RIMS2: variants seen among roughly 807,000 people sequenced by gnomAD.
The protein encoded by RIMS2 is regulating synaptic membrane exocytosis protein 2.
A neutral mutation model predicts 174.4 loss-of-function variants in RIMS2; 59 were observed. That is an observed-to-expected ratio of 0.34 (90% confidence interval 0.27 to 0.42). The LOEUF is 0.42. RIMS2 is among the 10% of genes least tolerant of loss of function. The probability of loss-of-function intolerance (pLI) is 1.00; values close to 1 mark genes in which losing one functional copy is unlikely to be tolerated. For missense variants in RIMS2, 1,620 were observed against 1,666.3 expected (o/e 0.97, Z 0.48); for synonymous variants, 606 against 572.5 (o/e 1.06, Z -0.84).
rs574157616 is a variant in RIMS2, at chr8:103,702,679, G to C, written c.387+5383G>C. Among the ~76,000 whole-genome samples, 7 of 152,112 alleles carry C rather than the reference G, an allele frequency of 4.6e-5. No individual in the cohort carries two copies. In the South Asian group the frequency reaches 6.2e-4, roughly 14 times the overall value. On this transcript the variant is annotated intron_variant, in intron 2 of 23. Coordinates refer to ENST00000504942, the Ensembl canonical transcript of RIMS2. ...TTAAGAGACAGTCCTTTACCTGGTG[G>C]ATATACTTGGTGCCTTTGTTGAACA...
intron 1 of RIMS2, among the ~76,000 whole-genome samples, chr8:103,578,544 AAAC>A (rs1228278268): frequency 2.0e-5 from 3 of 151,992 alleles, no homozygotes; most frequent in South Asian, 4.2e-4. Flanking sequence ...AAAAAACAAA[AAAC>A]AAAACAAAAC....
chr8:104,252,169 C>A (rs2099360883), downstream of RIMS2: 1 of 270,140 alleles, frequency 3.7e-6, no homozygotes, highest in African/African-American at 2.2e-5. Flanking sequence ...CCTTTTTCTT[C>A]ATTTATCTAA....
intron 19 of RIMS2, among the ~76,000 whole-genome samples, chr8:104,176,685 C>CGTT (rs2098899023): frequency 1.3e-5 from 2 of 150,260 alleles, no homozygotes; most frequent in South Asian, 4.2e-4. Flanking sequence ...ATTTTCATAT[C>CGTT]ATTATATATG....
chr8:103,724,891 A>G (rs148861025), intron 2 of RIMS2, among the ~76,000 whole-genome samples: 27 of 152,218 alleles, frequency 1.8e-4, no homozygotes, highest in African/African-American at 6.5e-4. Flanking sequence ...TCTTTTTAGT[A>G]TGTGTTACTG....
rs533760890 is a variant in RIMS2 at position 103,898,871 on chromosome 8, C to T, written c.1625-11263C>T. On this transcript the variant is annotated intron_variant, in intron 4 of 23. Transcript: ENST00000504942. ...TATATCTCCTAATGCTATCCCTCCC[C>T]ACTCCCCCCACCCCACAACAGGCCC... Among the ~76,000 whole-genome samples the T allele has an allele frequency of 1.5e-3, 228 of 151,328 alleles. 6 individuals are homozygous for T. Among genetic ancestry groups the T allele is most frequent in the African/African-American group, 5.2e-3 (214 of 40,798 alleles).
chr8:103,629,231 A>G (rs1292117210), intron 1 of RIMS2, among the ~76,000 whole-genome samples: 1 of 152,190 alleles, frequency 6.6e-6, no homozygotes, highest in Non-Finnish European at 1.5e-5. Context: ...ATATCCTCTC[A>G]ATTAGAGAGC....
intron 3 of RIMS2, among the ~76,000 whole-genome samples, chr8:103,786,080 G>C (rs550116646): frequency 3.5e-4 from 53 of 152,188 alleles, no homozygotes; most frequent in African/African-American, 1.2e-3. Flanking sequence ...AGTATTCTCT[G>C]ATGGTAGTTT....
At chr8:103,579,240 CCCTCT>C (rs2093451066) in intron 1 of RIMS2, among the ~76,000 whole-genome samples, 1 of 148,118 alleles carries the variant, frequency 6.8e-6, no homozygotes, top group Admixed American at 6.8e-5. Flanking sequence ...CTCTCTCTCT[CCCTCT>C]CTCTCTGTCT....
At chr8:103,732,081 G>A (rs1313937937) in intron 2 of RIMS2, among the ~76,000 whole-genome samples, 2 of 152,128 alleles carry the variant, frequency 1.3e-5, no homozygotes, top group African/African-American at 2.4e-5. Flanking sequence ...TTCTTGGGTA[G>A]GTTTTCCATG....
At chr8:103,901,564 T>C (rs2073120276) in intron 4 of RIMS2, among the ~76,000 whole-genome samples, 2 of 152,154 alleles carry the variant, frequency 1.3e-5, no homozygotes, top group Admixed American at 6.6e-5. Flanking sequence ...ATTTTACTTG[T>C]CTATCTTTCT....
At chr8:103,579,199 T>G (rs963911488) in intron 1 of RIMS2, among the ~76,000 whole-genome samples, 10 of 151,168 alleles carry the variant, frequency 6.6e-5, no homozygotes, top group African/African-American at 2.4e-4. Flanking sequence ...GCCTGGGAGT[T>G]CAGGACGAGG....
intron 2 of RIMS2, among the ~76,000 whole-genome samples, chr8:103,705,862 C>A (rs988674212): frequency 2.0e-5 from 3 of 151,022 alleles, no homozygotes; most frequent in African/African-American, 7.3e-5. Flanking sequence ...TCATTTCACT[C>A]CTCTGTCTTT....
chr8:104,169,957 T>G (rs925468805), intron 19 of RIMS2, among the ~76,000 whole-genome samples: 1 of 152,084 alleles, frequency 6.6e-6, no homozygotes, highest in African/African-American at 2.4e-5. Flanking sequence ...TTAATTTCCA[T>G]GTATTTGTAT....
chr8:103,996,084 A>T (rs1392249161), intron 17 of RIMS2, among the ~76,000 whole-genome samples: 2 of 151,996 alleles, frequency 1.3e-5, no homozygotes, highest in Non-Finnish European at 2.9e-5. Context: ...GGGGGATTAA[A>T]GAATTACGTT....
intron 19 of RIMS2, among the ~76,000 whole-genome samples, chr8:104,221,320 G>A (rs1267650715): frequency 6.6e-6 from 1 of 152,074 alleles, no homozygotes; most frequent in Non-Finnish European, 1.5e-5. Flanking sequence ...CATGTGGGCT[G>A]AACTCTGATA....
intron 10 of RIMS2, among the ~76,000 whole-genome samples, chr8:103,922,279 C>T (rs1057156725): frequency 4.6e-5 from 7 of 151,644 alleles, no homozygotes; most frequent in African/African-American, 1.7e-4. Flanking sequence ...TGTCAATAGA[C>T]AAAATGAAAT....
At chr8:103,999,319 A>G (rs1218392428) in intron 17 of RIMS2, among the ~76,000 whole-genome samples, 2 of 151,740 alleles carry the variant, frequency 1.3e-5, no homozygotes, top group African/African-American at 4.8e-5. Flanking sequence ...TTTACTAGTA[A>G]CTTTTGTAAT....
chr8:103,527,982 G>A (rs1285634872), intron 1 of RIMS2, among the ~76,000 whole-genome samples: 1 of 152,190 alleles, frequency 6.6e-6, no homozygotes, highest in African/African-American at 2.4e-5. Context: ...TTCCACAATG[G>A]TTGAGCTAAT....
intron 19 of RIMS2, among the ~76,000 whole-genome samples, chr8:104,174,916 T>A (rs1201963291): frequency 1.3e-5 from 2 of 152,178 alleles, no homozygotes; most frequent in Non-Finnish European, 2.9e-5. Flanking sequence ...GGCTAATACA[T>A]TTCCATTAAG....
Sources: allele counts gnomAD v4.1 joint callset (sites outside exome capture counted in the v4.1 genomes callset), GRCh38; gene constraint gnomAD v4.1.1; transcripts MANE v1.5; gene names NCBI Gene and HGNC (gene_info 2026-07-23, HGNC 2026-07-21).